Variants in DGKB observed in about 807,000 individuals in gnomAD.
DGKB encodes the protein diacylglycerol kinase beta.
DGKB carries 67 observed loss-of-function variants against 114.3 expected under a neutral mutation model. The observed-to-expected ratio is 0.59, with a 90% CI of 0.48 to 0.72. DGKB has a LOEUF of 0.72. DGKB is among the 30% of genes least tolerant of loss of function. The pLI, the probability that DGKB is intolerant of heterozygous loss-of-function variation, is 0.00. For synonymous variants in DGKB, 398 were observed against 323.1 expected, an observed-to-expected ratio of 1.23 and a Z score of -2.49; for missense variants, 907 against 975.2, an observed-to-expected ratio of 0.93 and a Z score of 0.93.
intron 21 of DGKB, among the ~76,000 whole-genome samples, chr7:14,432,168 T>A (rs1254719360): frequency 6.6e-6 from 1 of 152,210 alleles, no homozygotes; most frequent in Non-Finnish European, 1.5e-5. Context: ...ATTATTGGTT[T>A]CTCACTGCAA....
intron 23 of DGKB, among the ~76,000 whole-genome samples, chr7:14,218,681 T>C (rs1034504248): frequency 6.6e-6 from 1 of 152,052 alleles, no homozygotes; most frequent in African/African-American, 2.4e-5. Context: ...ACTAAAATAT[T>C]ACATTATATC....
chr7:14,229,039 G>A (rs2128337205), intron 23 of DGKB, among the ~76,000 whole-genome samples: 1 of 151,986 alleles, frequency 6.6e-6, no homozygotes, highest in South Asian at 2.1e-4. Flanking sequence ...CAAAACCAAT[G>A]TATATGTATG....
chr7:14,419,101 A>C (rs1005575638), intron 21 of DGKB, among the ~76,000 whole-genome samples: 5 of 152,040 alleles, frequency 3.3e-5, no homozygotes, highest in Middle Eastern at 3.4e-3. Flanking sequence ...GGGACAGCGG[A>C]ATGTTTGTCC....
intron 21 of DGKB, among the ~76,000 whole-genome samples, chr7:14,398,950 G>A (rs6461092): frequency 0.81 from 123,443 of 151,794 alleles, 51,279 homozygotes; most frequent in Middle Eastern, 0.92. Flanking sequence ...AACAAGTTAT[G>A]TGCCTGTAAA....
intron 1 of DGKB, among the ~76,000 whole-genome samples, chr7:14,912,502 GA>G (rs1164852893): frequency 2.6e-5 from 4 of 152,086 alleles, no homozygotes; most frequent in Non-Finnish European, 5.9e-5. Flanking sequence ...GAATGCGCTG[GA>G]ACAAAATGAG....
intron 23 of DGKB, among the ~76,000 whole-genome samples, chr7:14,204,186 A>G (rs1342876555): frequency 6.6e-6 from 1 of 152,006 alleles, no homozygotes; most frequent in Non-Finnish European, 1.5e-5. Flanking sequence ...ACATTGATCT[A>G]TATTATAGTA....
intron 21 of DGKB, among the ~76,000 whole-genome samples, chr7:14,415,746 T>G (rs941518455): frequency 6.6e-6 from 1 of 152,184 alleles, no homozygotes; most frequent in African/African-American, 2.4e-5. Flanking sequence ...TGCATGTGTC[T>G]TTATAGCAGC....
chr7:14,857,622 CAT>C (rs1472992955), intron 1 of DGKB, among the ~76,000 whole-genome samples: 1 of 152,052 alleles, frequency 6.6e-6, no homozygotes, highest in Admixed American at 6.6e-5. Context: ...AAACACTAAA[CAT>C]ATTTTTATGT....
chr7:14,412,857 T>C (rs572590267), intron 21 of DGKB, among the ~76,000 whole-genome samples: 5 of 152,094 alleles, frequency 3.3e-5, no homozygotes, highest in South Asian at 2.1e-4. Context: ...GGTGCGTGCC[T>C]GTAATCCCAG....
At chr7:14,892,876 G>GTC (rs1244158382) in intron 1 of DGKB, among the ~76,000 whole-genome samples, 2 of 150,302 alleles carry the variant, frequency 1.3e-5, no homozygotes, top group African/African-American at 4.9e-5. Context: ...GTGTGTGTGT[G>GTC]TGTGTGTGTG....
chr7:14,946,770 A>T (rs988652897), intron 1 of DGKB, among the ~76,000 whole-genome samples: 16 of 151,774 alleles, frequency 1.1e-4, no homozygotes, highest in Non-Finnish European at 7.4e-5. Context: ...TTTTAAGCTC[A>T]TTTCTCAATA....
At chr7:14,170,992 G>T (rs762236219) in intron 25 of DGKB, among the ~76,000 whole-genome samples, 1 of 152,112 alleles carries the variant, frequency 6.6e-6, no homozygotes, top group Non-Finnish European at 1.5e-5. Context: ...GTAGAAGTCT[G>T]GGCAGTAGGA....
intron 21 of DGKB, among the ~76,000 whole-genome samples, chr7:14,416,816 G>A (rs1232390554): frequency 6.6e-6 from 1 of 151,988 alleles, no homozygotes; most frequent in Non-Finnish European, 1.5e-5. Flanking sequence ...TTTTTACTGG[G>A]TTTAAATTAG....
chr7:14,895,817 T>C (rs1782011922), intron 1 of DGKB, among the ~76,000 whole-genome samples: 1 of 151,678 alleles, frequency 6.6e-6, no homozygotes, highest in South Asian at 2.1e-4. Flanking sequence ...ACAATCTCCA[T>C]ACACACTAGG....
chr7:14,753,137 A>G lies in DGKB; in HGVS notation c.168+791T>C, dbSNP rs79801581. 3.9e-3 allele frequency among the ~76,000 whole-genome samples: 592 copies of G among 152,328 alleles called. 1 individual carries two copies. Among genetic ancestry groups the G allele is most frequent in the African/African-American group, 0.013 (522 of 41,578 alleles). On this transcript the variant is annotated intron_variant, in intron 4 of 25. Transcript: ENST00000402815. The stretch of plus-strand genomic sequence containing the variant: ...CTTTACGTGTTGGACATGAAATTAC[A>G]GTGGCTGTTGTCATTAAAAGCATCA...
At chr7:14,820,339 GT>G (rs1179458263) in intron 2 of DGKB, among the ~76,000 whole-genome samples, 1 of 152,082 alleles carries the variant, frequency 6.6e-6, no homozygotes, top group African/African-American at 2.4e-5. Context: ...ATTTAGTAAT[GT>G]TTTTTCATTA....
At chr7:14,587,293 T>C (rs1800933979) in intron 17 of DGKB, among the ~76,000 whole-genome samples, 1 of 151,988 alleles carries the variant, frequency 6.6e-6, no homozygotes, top group African/African-American at 2.4e-5. Flanking sequence ...AAAAGTAGAA[T>C]TGTAAGTGGA....
chr7:14,530,977 C>A (rs762024831), intron 20 of DGKB, among the ~76,000 whole-genome samples: 1 of 151,370 alleles, frequency 6.6e-6, no homozygotes, highest in Non-Finnish European at 1.5e-5. Flanking sequence ...ATATGAAATA[C>A]CATGATAACT....
At chr7:14,786,030 C>T (rs1009790074) in intron 2 of DGKB, among the ~76,000 whole-genome samples, 10 of 151,824 alleles carry the variant, frequency 6.6e-5, no homozygotes, top group Admixed American at 1.3e-4. Flanking sequence ...TGAAAGTCAT[C>T]CATCTTTCCT....
Sources: gnomAD v4.1 joint callset for allele counts (sites outside exome capture counted in the v4.1 genomes callset) on GRCh38, gnomAD v4.1.1 for gene constraint, MANE v1.5 for transcripts, NCBI Gene and HGNC (gene_info 2026-07-23, HGNC 2026-07-21) for gene names.